NUP205: variants seen among roughly 807,000 people sequenced by gnomAD.
NUP205 encodes nuclear pore complex protein Nup205.
NUP205 carries 76 observed loss-of-function variants against 253.8 expected under a neutral mutation model. The observed-to-expected ratio is 0.30, with a 90% CI of 0.25 to 0.36. The LOEUF (loss-of-function observed/expected upper bound fraction) is 0.36, where lower values mean the gene tolerates loss of function less well. Ranked by LOEUF, NUP205 falls within the 10% of genes least tolerant of loss-of-function variation. The probability of loss-of-function intolerance (pLI) is 1.00; values close to 1 mark genes in which losing one functional copy is unlikely to be tolerated. For missense variants in NUP205, 2,162 were observed against 2,425.5 expected, an observed-to-expected ratio of 0.89 and a Z score of 2.28; for synonymous variants, 832 against 850.1, an observed-to-expected ratio of 0.98 and a Z score of 0.37.
At chr7:135,601,347 G>T in intron 16 of NUP205, 23 bp from the exon 17 acceptor site, 2 of 1,597,104 alleles carry the variant, frequency 1.3e-6, no homozygotes, top group African/African-American at 1.3e-5. Flanking sequence ...ATCATCTCTT[G>T]GAATATGTTA....
intron 5 of NUP205, 49 bp downstream of exon 5, chr7:135,577,177 G>C: frequency 6.5e-7 from 1 of 1,527,048 alleles, no homozygotes; most frequent in Non-Finnish European, 8.9e-7. Context: ...AAATCTCAGA[G>C]GCAGAAACAT....
chr7:135,614,065 T>A, intron 22 of NUP205, 94 bp from the exon 23 acceptor site: 1 of 659,606 alleles, frequency 1.5e-6, no homozygotes, highest in Non-Finnish European at 2.6e-6. Context: ...GGTCCTAGTT[T>A]TTCACTTAGT....
chr7:135,635,750 C>T (rs1193714740), intron 36 of NUP205, 93 bp downstream of exon 36: 14 of 657,406 alleles, frequency 2.1e-5, no homozygotes, highest in Non-Finnish European at 3.7e-5. Flanking sequence ...TGGGAAACCC[C>T]TTTCAACTGT....
chr7:135,632,088 A>G (rs886527461), intron 35 of NUP205, among the ~76,000 whole-genome samples: 1 of 152,192 alleles, frequency 6.6e-6, no homozygotes, highest in African/African-American at 2.4e-5. Context: ...CCTTCCCTCA[A>G]GAAAAAGCAT....
chr7:135,609,157 C>T (rs907404978), intron 22 of NUP205, among the ~76,000 whole-genome samples: 3 of 148,796 alleles, frequency 2.0e-5, no homozygotes, highest in South Asian at 2.2e-4. Context: ...ACTAATTTCT[C>T]AATTTAAGTG....
intron 19 of NUP205, among the ~76,000 whole-genome samples, chr7:135,604,965 A>C (rs1794055993): frequency 6.6e-6 from 1 of 151,762 alleles, no homozygotes; most frequent in Non-Finnish European, 1.5e-5. Flanking sequence ...GAATACCTAC[A>C]ATTGCGGAAT....
At chr7:135,568,393 C>T (rs887807762) in intron 1 of NUP205, among the ~76,000 whole-genome samples, 3 of 151,640 alleles carry the variant, frequency 2.0e-5, no homozygotes, top group Admixed American at 6.6e-5. Flanking sequence ...AGTGCAGTGG[C>T]GTGATCTTGG....
intron 22 of NUP205, among the ~76,000 whole-genome samples, chr7:135,609,104 CAAAAA>C (rs1163880987): frequency 3.0e-5 from 2 of 66,180 alleles, no homozygotes; most frequent in Non-Finnish European, 5.9e-5. Context: ...AACTCCGTCT[CAAAAA>C]AAAAAAAAAA....
chr7:135,644,015 A>G (rs1794962373), intron 39 of NUP205, among the ~76,000 whole-genome samples: 1 of 152,230 alleles, frequency 6.6e-6, no homozygotes, highest in Non-Finnish European at 1.5e-5. Flanking sequence ...TGTTACTCTT[A>G]TGAGTAGTCC....
rs556302931 is a variant in NUP205, at chr7:135,646,992, T to G, written c.5886+761T>G. Among the ~76,000 whole-genome samples, 7 of 152,320 alleles carry G rather than the reference T, an allele frequency of 4.6e-5. No individual in the cohort carries two copies. The South Asian group carries it at 8.3e-4, about 18-fold the overall frequency. Reference sequence around the variant, plus strand: ...AGCACTTATTTTTCAGGAAATAATTTAATGGTGAGATTGAGAGCAGCCAAT... The same window carrying G: ...AGCACTTATTTTTCAGGAAATAATTGAATGGTGAGATTGAGAGCAGCCAAT... On this transcript the variant is annotated intron_variant, in intron 42 of 42. Transcript: ENST00000285968.
chr7:135,559,983 C>G (rs1385650013), intron 1 of NUP205, among the ~76,000 whole-genome samples: 1 of 151,218 alleles, frequency 6.6e-6, no homozygotes, highest in African/African-American at 2.4e-5. Context: ...CTCAGCCTCC[C>G]GAGGGGCTGG....
chr7:135,559,686 C>CTTT (rs548329072), intron 1 of NUP205, among the ~76,000 whole-genome samples: 90 of 138,004 alleles, frequency 6.5e-4, no homozygotes, highest in Admixed American at 1.1e-3. Context: ...ATTTATTTTC[C>CTTT]TTTTTTTTTT....
chr7:135,640,626 G>C (rs921070511), intron 38 of NUP205, among the ~76,000 whole-genome samples: 1 of 152,138 alleles, frequency 6.6e-6, no homozygotes, highest in African/African-American at 2.4e-5. Flanking sequence ...TTATGCCATG[G>C]ATGGGGGAGA....
At chr7:135,560,007 C>T (rs1271793848) in intron 1 of NUP205, among the ~76,000 whole-genome samples, 6 of 151,896 alleles carry the variant, frequency 4.0e-5, no homozygotes, top group East Asian at 1.9e-4. Context: ...TACAGGCGCC[C>T]GCCACTACAC....
intron 15 of NUP205, among the ~76,000 whole-genome samples, chr7:135,599,884 G>A (rs1249455954): frequency 6.6e-6 from 1 of 152,148 alleles, no homozygotes; most frequent in Non-Finnish European, 1.5e-5. Context: ...ATAAATAACA[G>A]CGTGTTAGAG....
intron 2 of NUP205, among the ~76,000 whole-genome samples, chr7:135,573,288 GTAAT>G (rs1806053242): frequency 1.3e-5 from 2 of 152,254 alleles, no homozygotes; most frequent in Middle Eastern, 3.4e-3. Context: ...GCTCTGCTAA[GTAAT>G]TAAACAGTTC....
intron 25 of NUP205, 35 bp downstream of exon 25, chr7:135,616,761 A>G (rs915407490): frequency 1.0e-5 from 13 of 1,242,800 alleles, no homozygotes; most frequent in Admixed American, 2.6e-5. Flanking sequence ...AATTTATTTT[A>G]TAGACATATA....
chr7:135,572,620 G>C (rs537721953), intron 2 of NUP205, among the ~76,000 whole-genome samples: 1 of 152,200 alleles, frequency 6.6e-6, no homozygotes, highest in South Asian at 2.1e-4. Flanking sequence ...GGAGTGCAGC[G>C]GTGCGATCTT....
chr7:135,571,062 G>GT, intron 1 of NUP205, 43 bp from the exon 2 acceptor site: 1 of 1,493,768 alleles, frequency 6.7e-7, no homozygotes, highest in Non-Finnish European at 9.0e-7. Context: ...TTTTTCAAGT[G>GT]TATGTTTTCT....
Sources: allele counts gnomAD v4.1 joint callset (sites outside exome capture counted in the v4.1 genomes callset), GRCh38; gene constraint gnomAD v4.1.1; transcripts MANE v1.5; gene names NCBI Gene and HGNC (gene_info 2026-07-23, HGNC 2026-07-21).